The following GPM6A variants were observed in gnomAD, a reference collection of about 807,000 sequenced individuals.
GPM6A encodes glycoprotein M6A, also known as neuronal membrane glycoprotein M6-a.
Under a neutral mutation model 32.1 loss-of-function variants are expected in GPM6A, and 7 were observed. That is an observed-to-expected ratio of 0.22 (90% CI 0.12 to 0.41). The LOEUF (loss-of-function observed/expected upper bound fraction) is 0.41. GPM6A is among the 10% of genes least tolerant of loss of function. The pLI is 1.00. For synonymous variants in GPM6A, 130 were observed against 123.4 expected (o/e 1.05, Z -0.35); for missense variants, 235 against 347.2 (o/e 0.68, Z 2.57).
chr4:175,950,933 G>A (rs1739786355), intron 1 of GPM6A, among the ~76,000 whole-genome samples: 1 of 152,038 alleles, frequency 6.6e-6, no homozygotes, highest in South Asian at 2.1e-4. Flanking sequence ...ATACTTACAG[G>A]AGCAGAGATA....
intron 1 of GPM6A, among the ~76,000 whole-genome samples, chr4:175,771,017 A>G (rs1733166154): frequency 6.6e-6 from 1 of 152,208 alleles, no homozygotes; most frequent in African/African-American, 2.4e-5. Context: ...TTTTGAAGTT[A>G]CCTGTCACAA....
At chr4:175,974,015 C>A (rs1390707153) in intron 1 of GPM6A, among the ~76,000 whole-genome samples, 1 of 152,052 alleles carries the variant, frequency 6.6e-6, no homozygotes, top group East Asian at 1.9e-4. Flanking sequence ...GGTAGATCAC[C>A]TGAGGTCAGC....
intron 2 of GPM6A, among the ~76,000 whole-genome samples, chr4:175,697,790 C>T (rs1259627952): frequency 6.6e-6 from 1 of 152,082 alleles, no homozygotes; most frequent in Non-Finnish European, 1.5e-5. Context: ...TGGGACAAAA[C>T]AGTATAATGG....
At chr4:175,750,802 A>G (rs2111188329) in intron 1 of GPM6A, among the ~76,000 whole-genome samples, 1 of 152,124 alleles carries the variant, frequency 6.6e-6, no homozygotes, top group African/African-American at 2.4e-5. Flanking sequence ...TCAACTCCTG[A>G]CCTCAAATGA....
chr4:175,697,500 G>A (rs1348097449), intron 2 of GPM6A, among the ~76,000 whole-genome samples: 1 of 152,136 alleles, frequency 6.6e-6, no homozygotes, highest in Non-Finnish European at 1.5e-5. Flanking sequence ...ACCAACAGAA[G>A]TTGTGATTAG....
intron 1 of GPM6A, among the ~76,000 whole-genome samples, chr4:175,712,404 C>T (rs559789014): frequency 7.0e-4 from 107 of 152,274 alleles, no homozygotes; most frequent in African/African-American, 2.4e-3. Context: ...TAAAGAAGAG[C>T]TAGAGCAATT....
At position 175,645,459 on chromosome 4, in the gene GPM6A, G is replaced by A. The variant is rs562462786; in HGVS notation, c.542-4630C>T. Among the ~76,000 whole-genome samples the A allele has an allele frequency of 3.3e-5, 5 of 152,170 alleles. No homozygotes were observed. The East Asian group carries it at 7.7e-4, about 24-fold the overall frequency. Reference sequence around the variant, plus strand: ...TTGTAGGCCGGGTGGGGTGGCTCACGCCTGTAATCCCAGCACTTCGGGAGG... The same window carrying A: ...TTGTAGGCCGGGTGGGGTGGCTCACACCTGTAATCCCAGCACTTCGGGAGG... On this transcript the variant is annotated intron_variant, in intron 4 of 6. Coordinates refer to ENST00000393658, the MANE Select transcript of GPM6A (RefSeq NM_201591.3).
rs150299776 is a variant in GPM6A at position 175,869,839 on chromosome 4, C to T, written c.-22-57590G>A. Among the ~76,000 whole-genome samples, 166 of 152,228 alleles carry T rather than the reference C, an allele frequency of 1.1e-3. 5 individuals carry two copies. Among genetic ancestry groups the T allele is most frequent in the Non-Finnish European group, 2.5e-4 (17 of 68,008 alleles). ...GCCAAGTATTTTTCTAAACAATTCA[C>T]AAGTTCTAGACCTTTTACTTTTAAT... is the stretch of plus-strand genomic sequence containing the variant. On this transcript the variant is annotated intron_variant, in intron 1 of 7. Transcript: ENST00000280187.
intron 1 of GPM6A, among the ~76,000 whole-genome samples, chr4:175,758,671 T>C (rs1732624209): frequency 1.3e-5 from 2 of 152,106 alleles, no homozygotes; most frequent in Admixed American, 6.6e-5. Flanking sequence ...CAAAGAATGT[T>C]TTTCCAAGAT....
At chr4:175,792,599 T>C (rs1268889379) in intron 1 of GPM6A, among the ~76,000 whole-genome samples, 2 of 152,134 alleles carry the variant, frequency 1.3e-5, no homozygotes, top group East Asian at 3.8e-4. Flanking sequence ...CCACTGATAA[T>C]TATAATTGAT....
At chr4:175,808,477 A>G (rs1734788286) in intron 1 of GPM6A, 1 of 152,180 alleles carries the variant, frequency 6.6e-6, no homozygotes, top group Non-Finnish European at 1.5e-5. Flanking sequence ...GTTTTAATAA[A>G]TTAAAGATAC....
intron 1 of GPM6A, among the ~76,000 whole-genome samples, chr4:175,910,282 A>G (rs541609861): frequency 2.0e-5 from 3 of 152,290 alleles, no homozygotes; most frequent in South Asian, 4.1e-4. Flanking sequence ...CATAAATTTC[A>G]AAGTCTCCAA....
At chr4:175,813,029 G>A (rs577066073), upstream of GPM6A, 1 of 983,786 alleles carries the variant, frequency 1.0e-6, no homozygotes, top group East Asian at 1.1e-4. Context: ...AAGCCTGAGA[G>A]ATACATGTTT....
chr4:175,836,461 A>G (rs1735771209), intron 1 of GPM6A, among the ~76,000 whole-genome samples: 1 of 152,166 alleles, frequency 6.6e-6, no homozygotes, highest in Non-Finnish European at 1.5e-5. Context: ...TAATAAGTAA[A>G]CCACATTGTA....
At position 175,683,683 on chromosome 4, in the gene GPM6A, C is replaced by A. The variant is rs373805923; in HGVS notation, c.231-9847G>T. Among the ~76,000 whole-genome samples, 12 of 152,248 alleles carry A rather than the reference C, an allele frequency of 7.9e-5. No individual in the cohort carries two copies. In the East Asian group the frequency reaches 2.3e-3, roughly 29 times the overall value. ...CCCCTTTAACTCTCTCTCTCTCCCTCTCTTGCTCCTGCTCTGGCCATGTGA... is the reference window on the plus strand; with the variant it reads ...CCCCTTTAACTCTCTCTCTCTCCCTATCTTGCTCCTGCTCTGGCCATGTGA... On this transcript the variant is annotated intron_variant, in intron 2 of 6. Transcript: ENST00000393658.
At chr4:175,915,644 A>G (rs1035437797) in intron 1 of GPM6A, among the ~76,000 whole-genome samples, 1 of 152,196 alleles carries the variant, frequency 6.6e-6, no homozygotes, top group African/African-American at 2.4e-5. Context: ...AGATGAAGTA[A>G]TAAAAATGAT....
chr4:175,975,764 T>C (rs979924958), intron 1 of GPM6A, among the ~76,000 whole-genome samples: 1 of 152,222 alleles, frequency 6.6e-6, no homozygotes, highest in African/African-American at 2.4e-5. Context: ...TAATCAAAGA[T>C]AAAGTACTGT....
At chr4:175,888,515 A>C (rs561133771) in intron 1 of GPM6A, among the ~76,000 whole-genome samples, 13 of 152,096 alleles carry the variant, frequency 8.5e-5, no homozygotes, top group Non-Finnish European at 1.9e-4. Context: ...ATCCGAAAGA[A>C]CACACATTAT....
chr4:175,765,733 A>T (rs1044913162), intron 1 of GPM6A, among the ~76,000 whole-genome samples: 3 of 152,140 alleles, frequency 2.0e-5, no homozygotes, highest in Non-Finnish European at 4.4e-5. Context: ...GCTATGACCT[A>T]TTAGTCTCTG....
Sources: allele counts gnomAD v4.1 joint callset (sites outside exome capture counted in the v4.1 genomes callset), GRCh38; gene constraint gnomAD v4.1.1; transcripts MANE v1.5; gene names NCBI Gene and HGNC (gene_info 2026-07-23, HGNC 2026-07-21).